Variants in EFCAB13 observed in about 807,000 individuals in gnomAD.
The protein encoded by EFCAB13 is EF-hand calcium-binding domain-containing protein 13.
Under a neutral mutation model 110.2 loss-of-function variants are expected in EFCAB13, and 91 were observed. That is an observed-to-expected ratio of 0.83 (90% CI 0.70 to 0.98). EFCAB13 has a LOEUF of 0.98. Among genes scored for constraint, EFCAB13 ranks in the 50% least tolerant of loss-of-function variants. The probability of loss-of-function intolerance (pLI) is 0.00; values close to 1 mark genes in which losing one functional copy is unlikely to be tolerated. For missense variants in EFCAB13, 968 were observed against 1,119.4 expected (o/e 0.86, Z 1.93); for synonymous variants, 323 against 369.9 (o/e 0.87, Z 1.45).
At chr17:47,365,322 T>A (rs1490358872) in intron 10 of EFCAB13, among the ~76,000 whole-genome samples, 1 of 152,238 alleles carries the variant, frequency 6.6e-6, no homozygotes, top group East Asian at 1.9e-4. Flanking sequence ...ATGTTCTTCA[T>A]TTTATCATAT....
At chr17:47,353,361 C>G (rs2065463802) in intron 9 of EFCAB13, among the ~76,000 whole-genome samples, 1 of 151,898 alleles carries the variant, frequency 6.6e-6, no homozygotes, top group Non-Finnish European at 1.5e-5. Context: ...GTGACACAAT[C>G]TTGGCTCACT....
chr17:47,400,554 T>C (rs1567799726), intron 17 of EFCAB13, among the ~76,000 whole-genome samples: 2 of 152,094 alleles, frequency 1.3e-5, no homozygotes, highest in Non-Finnish European at 2.9e-5. Context: ...CCTGTTGACG[T>C]CAGATGGCTC....
intron 11 of EFCAB13, among the ~76,000 whole-genome samples, chr17:47,372,506 A>G (rs1030897674): frequency 6.6e-6 from 1 of 152,232 alleles, no homozygotes. Flanking sequence ...GTATTAGTGT[A>G]TTCTGACTTT....
chr17:47,352,065 C>T (rs113917832), intron 9 of EFCAB13, among the ~76,000 whole-genome samples: 7,558 of 151,896 alleles, frequency 0.05, 249 homozygotes, highest in East Asian at 0.11. Flanking sequence ...CCACGCCTGG[C>T]TAATTTTTTT....
intron 20 of EFCAB13, among the ~76,000 whole-genome samples, chr17:47,408,625 C>T (rs2065817789): frequency 6.6e-6 from 1 of 152,092 alleles, no homozygotes; most frequent in Non-Finnish European, 1.5e-5. Context: ...GCACTCCAGT[C>T]GGGGCGACAG....
intron 14 of EFCAB13, among the ~76,000 whole-genome samples, chr17:47,384,120 TCA>T (rs143740532): frequency 0.085 from 12,792 of 151,036 alleles, 793 homozygotes; most frequent in East Asian, 0.34. Flanking sequence ...GGCTGTTTTA[TCA>T]CAGACTAGGA....
At chr17:47,414,816 T>A in intron 22 of EFCAB13, 32 bp from the exon 23 acceptor site, 3 of 1,450,374 alleles carry the variant, frequency 2.1e-6, no homozygotes, top group Non-Finnish European at 2.9e-6. Context: ...ATCAGGTTTT[T>A]AATGTCAGCA....
intron 24 of EFCAB13, among the ~76,000 whole-genome samples, chr17:47,436,056 T>A (rs762574948): frequency 9.2e-5 from 14 of 152,212 alleles, no homozygotes; most frequent in Non-Finnish European, 1.8e-4. Flanking sequence ...TTTTAATCTG[T>A]TTATGTGGTG....
chr17:47,350,056 G>C (rs894698112), intron 9 of EFCAB13, among the ~76,000 whole-genome samples: 8 of 152,046 alleles, frequency 5.3e-5, no homozygotes, highest in Non-Finnish European at 8.8e-5. Flanking sequence ...TTACAGGTGT[G>C]AGCCACCGTG....
At chr17:47,347,782 C>G in intron 8 of EFCAB13, 26 bp from the exon 9 acceptor site, 2 of 1,365,934 alleles carry the variant, frequency 1.5e-6, no homozygotes, top group East Asian at 2.7e-5. Context: ...GATTAACTAA[C>G]TAAATGTTTT....
chr17:47,330,461 T>G (rs1198099276), intron 4 of EFCAB13, among the ~76,000 whole-genome samples: 1 of 152,042 alleles, frequency 6.6e-6, no homozygotes, highest in Non-Finnish European at 1.5e-5. Flanking sequence ...TTCACTTCCC[T>G]GTCCCCTCTC....
At chr17:47,346,411 T>C (rs2065416017) in intron 8 of EFCAB13, among the ~76,000 whole-genome samples, 2 of 147,744 alleles carry the variant, frequency 1.4e-5, no homozygotes, top group African/African-American at 5.0e-5. Flanking sequence ...TGATATTCTG[T>C]CATATGTATA....
intron 23 of EFCAB13, among the ~76,000 whole-genome samples, chr17:47,415,555 A>T (rs1362111813): frequency 6.6e-6 from 1 of 152,182 alleles, no homozygotes; most frequent in African/African-American, 2.4e-5. Flanking sequence ...GGTAAGGTTA[A>T]AAAGATTAAT....
intron 12 of EFCAB13, 117 bp downstream of exon 12, chr17:47,375,083 C>CTTT: frequency 9.6e-7 from 1 of 1,042,792 alleles, no homozygotes; most frequent in Non-Finnish European, 1.3e-6. Context: ...ACCACCACTT[C>CTTT]TTTTTTTTTT....
intron 23 of EFCAB13, among the ~76,000 whole-genome samples, chr17:47,417,320 C>G (rs776834454): frequency 2.6e-4 from 40 of 152,170 alleles, no homozygotes; most frequent in Non-Finnish European, 4.6e-4. Flanking sequence ...CTTGGTTTAA[C>G]TTTATGGAAA....
chr17:47,383,151 GTGTCTATTTGATTC>G (rs2065656362), intron 14 of EFCAB13, among the ~76,000 whole-genome samples: 1 of 152,002 alleles, frequency 6.6e-6, no homozygotes, highest in Non-Finnish European at 1.5e-5. Flanking sequence ...ATTTTTTATT[GTGTCTATTTGATTC>G]TTTTCTCTTT....
chr17:47,425,007 C>T (rs189227749), intron 23 of EFCAB13, among the ~76,000 whole-genome samples: 5,921 of 145,668 alleles, frequency 0.041, 179 homozygotes, highest in Middle Eastern at 0.15. Flanking sequence ...CTCAGCCTCC[C>T]GAGTAGCTGG....
chr17:47,340,363 G>A (rs577197675), intron 5 of EFCAB13, among the ~76,000 whole-genome samples: 3 of 152,092 alleles, frequency 2.0e-5, no homozygotes, highest in African/African-American at 4.8e-5. Context: ...GCATTGTGGT[G>A]TGTGCCTATA....
At chr17:47,329,110 G>T (rs2065304963) in intron 4 of EFCAB13, 1 of 152,130 alleles carries the variant, frequency 6.6e-6, no homozygotes, top group South Asian at 2.1e-4. Flanking sequence ...CATGAAGTCA[G>T]TCTATTATAT....
Sources: allele counts gnomAD v4.1 joint callset (sites outside exome capture counted in the v4.1 genomes callset), GRCh38; gene constraint gnomAD v4.1.1; transcripts MANE v1.5; gene names NCBI Gene and HGNC (gene_info 2026-07-23, HGNC 2026-07-21).